LRRTM2: variants seen among roughly 807,000 people sequenced by gnomAD.
LRRTM2 encodes the protein leucine rich repeat transmembrane neuronal 2.
A neutral mutation model predicts 40.7 loss-of-function variants in LRRTM2; 14 were observed. The ratio of observed to expected loss-of-function variants is 0.34; its 90% CI spans 0.23 to 0.54. LRRTM2 has a LOEUF of 0.54. Ranked by LOEUF, LRRTM2 falls within the 20% of genes least tolerant of loss-of-function variation. The probability of loss-of-function intolerance (pLI) is 0.92; values close to 1 mark genes in which losing one functional copy is unlikely to be tolerated. For missense variants in LRRTM2, 468 were observed against 624.4 expected (o/e 0.75, Z 2.67); for synonymous variants, 223 against 237.6 (o/e 0.94, Z 0.57).
Position 138,870,040 on chromosome 5 carries a change from T to C in LRRTM2, c.*2970A>G, listed in dbSNP as rs1765194031. The stretch of plus-strand genomic sequence containing the variant: ...ATCATAGTCTTCTTTAGCTTTCCTT[T>C]TTCCAGAGAGATTAATTATTTTTCT... On this transcript the variant is annotated 3_prime_UTR_variant, in exon 2 of 2. Transcript: ENST00000274711. 6.6e-6 allele frequency: 1 copy of C among 152,444 alleles called. No homozygotes were observed. The highest frequency in any genetic ancestry group is 6.5e-5 in the Admixed American group (1 of 15,280). 9.4% of individuals were successfully genotyped at this position (152,444 alleles called of 1,614,324 possible).
rs776591092 is a variant in LRRTM2 at position 138,874,677 on chromosome 5, A to G, written c.5-121T>C. 4.3e-5 allele frequency: 33 copies of G among 762,848 alleles called. No homozygotes were observed. The highest frequency in any genetic ancestry group is 6.4e-5 in the Non-Finnish European group (31 of 485,868). 47.3% of individuals were successfully genotyped at this position (762,848 alleles called of 1,614,324 possible). ...CAAAAGATTTCACTGCATATAACTT[A>G]TTTTTCATTTACTGCAGAAAAATTA... On this transcript the variant is annotated intron_variant, in intron 1 of 1. Coordinates refer to ENST00000274711, the MANE Select transcript of LRRTM2 (RefSeq NM_015564.3). This position sits in a 1 kb window ranked among gnomAD's most constrained non-coding sequence, Gnocchi z 4.1.
At position 138,873,129 on chromosome 5, in the gene LRRTM2, T is replaced by A. The variant is rs773654146; in HGVS notation, c.1432A>T (p.Met478Leu). ...RSQTRLHMSN[M>L]SDQGPYNEYE... The stretch of plus-strand genomic sequence containing the variant: ...TCATTATACGGTCCTTGGTCTGACA[T>A]GTTTGACATATGGAGTCGTGTTTGG... Residue 478 changes from methionine (M) to leucine (L), a missense_variant, in exon 2 of 2, where the codon ATG becomes TTG. Physicochemically the swap from Met to Leu is conservative, Grantham distance 15. Coordinates refer to ENST00000274711, the MANE Select transcript of LRRTM2 (RefSeq NM_015564.3). This position sits in a 1 kb window ranked among gnomAD's most constrained non-coding sequence, Gnocchi z 6.1. The A allele has an allele frequency of 2.1e-5, 34 of 1,614,004 alleles. No homozygotes were observed. The highest frequency in any genetic ancestry group is 1.6e-4 in the Middle Eastern group (1 of 6,062).
In LRRTM2 at chr5:138,870,422, A is replaced by G. The variant is rs962771403; in HGVS notation, c.*2588T>C. 6.6e-6 allele frequency: 1 copy of G among 152,236 alleles called. No individual in the cohort carries two copies. Among genetic ancestry groups the G allele is most frequent in the Non-Finnish European group, 1.5e-5 (1 of 68,032 alleles). The allele number at this position is 152,236 out of a possible 1,614,324, so 9.4% of individuals were successfully genotyped here. On this transcript the variant is annotated 3_prime_UTR_variant, in exon 2 of 2. Coordinates refer to ENST00000274711, the MANE Select transcript of LRRTM2 (RefSeq NM_015564.3). ...TTCTTAAAGGACATTACCCAGAAAAATGGAAGGCAAAAAATTTTGATTTTT... is the reference window on the plus strand; with the variant it reads ...TTCTTAAAGGACATTACCCAGAAAAGTGGAAGGCAAAAAATTTTGATTTTT...
Position 138,873,183 on chromosome 5 carries a change from T to C in LRRTM2, c.1378A>G (p.Met460Val), listed in dbSNP as rs751513591. 1.2e-6 allele frequency: 2 copies of C among 1,602,174 alleles called. No individual in the cohort carries two copies. Among genetic ancestry groups the C allele is most frequent in the Admixed American group, 1.7e-5 (1 of 59,620 alleles). ...CGGAGCTGCCTGTGGTTCTGAACCA[T>C]TGAGCACTGCCTAATTCTTCTTAAA... The part of the protein sequence containing the change: ...PTLRRIRQCS[M>V]VQNHRQLRSQ... Residue 460 changes from methionine to valine, a missense_variant, in exon 2 of 2, where the codon ATG (methionine) becomes GTG (valine). By Grantham distance (21) the Met-to-Val change is conservative. Transcript: ENST00000274711. This position sits in a 1 kb window ranked among gnomAD's most constrained non-coding sequence, Gnocchi z 6.1.
At position 138,869,470 on chromosome 5, in the gene LRRTM2, C is replaced by T. The variant is rs1209749488; in HGVS notation, c.*3540G>A. ...TTTCAGATAGGTCTGTCGCTGTATT[C>T]CTGTATTAGGAAAACGATCATGTAA... On this transcript the variant is annotated 3_prime_UTR_variant, in exon 2 of 2. Transcript: ENST00000274711. 6.6e-6 allele frequency: 1 copy of T among 150,830 alleles called. No homozygotes were observed. Among genetic ancestry groups the T allele is most frequent in the Non-Finnish European group, 1.5e-5 (1 of 67,878 alleles). The allele number at this position is 150,830 out of a possible 1,614,324, so 9.3% of individuals were successfully genotyped here.
chr5:138,873,736 C>T lies in LRRTM2; in HGVS notation c.825G>A (p.Thr275=), dbSNP rs777934931. 2.2e-5 allele frequency: 35 copies of T among 1,613,886 alleles called. No individual in the cohort carries two copies. The South Asian group carries it at 2.2e-4, about 10-fold the overall frequency. The change falls in exon 2 of 2, where the codon ACG becomes ACA. Residue 275 remains threonine (T), a synonymous_variant. Coordinates refer to ENST00000274711, the MANE Select transcript of LRRTM2 (RefSeq NM_015564.3). The surrounding 1 kb of genome is among the most constrained non-coding windows in gnomAD (Gnocchi z 6.1). The part of the protein sequence containing the change: ...IKAIDLTVFE[T]MPNLKILLMD... Reference sequence around the variant, plus strand: ...TGAGGAGTATTTTAAGATTGGGCATCGTTTCAAACACTGTCAAGTCGATGG... The same window carrying T: ...TGAGGAGTATTTTAAGATTGGGCATTGTTTCAAACACTGTCAAGTCGATGG...
In LRRTM2 at chr5:138,874,884, A is replaced by G. The variant is rs373922860; in HGVS notation, c.4+24T>C. ...AGCGTGATTCCTTGTTGAATGTACA[A>G]GACATATAAATGCACAGACTTACCC... On this transcript the variant is annotated intron_variant, in intron 1 of 1. Transcript: ENST00000274711. The surrounding 1 kb of genome is among the most constrained non-coding windows in gnomAD (Gnocchi z 4.1). 3.1e-6 allele frequency: 5 copies of G among 1,606,816 alleles called. No individual in the cohort carries two copies. In the East Asian group the frequency reaches 1.1e-4, roughly 36 times the overall value.
At position 138,871,321 on chromosome 5, in the gene LRRTM2, A is replaced by T. The variant is rs1750580345; in HGVS notation, c.*1689T>A. 6.6e-6 allele frequency: 1 copy of T among 152,236 alleles called. No homozygotes were observed. Among genetic ancestry groups the T allele is most frequent in the Non-Finnish European group, 1.5e-5 (1 of 68,032 alleles). The allele number at this position is 152,236 out of a possible 1,614,324, so 9.4% of individuals were successfully genotyped here. A position where few individuals can be genotyped will look rare whatever the true frequency, so the allele number is the denominator to read the frequency against. On this transcript the variant is annotated 3_prime_UTR_variant, in exon 2 of 2. Coordinates refer to ENST00000274711, the MANE Select transcript of LRRTM2 (RefSeq NM_015564.3). ...AAAAAATGCTCATTTTCTAAAATCAAGTTAGTGCTATAATTTTACAGTTTT... is the reference window on the plus strand; with the variant it reads ...AAAAAATGCTCATTTTCTAAAATCATGTTAGTGCTATAATTTTACAGTTTT...
chr5:138,873,182 A>G lies in LRRTM2; in HGVS notation c.1379T>C (p.Met460Thr), dbSNP rs1188178991. 1 of 1,613,908 alleles carries G rather than the reference A, an allele frequency of 6.2e-7. No homozygotes were observed. The highest frequency in any genetic ancestry group is 8.5e-7 in the Non-Finnish European group (1 of 1,179,900). The part of the protein sequence containing the change: ...PTLRRIRQCS[M>T]VQNHRQLRSQ... ...TCGGAGCTGCCTGTGGTTCTGAACC[A>G]TTGAGCACTGCCTAATTCTTCTTAA... The change falls in exon 2 of 2, where the codon ATG becomes ACG. Residue 460 changes from methionine (M) to threonine (T), a missense_variant. Met to Thr is a moderately conservative substitution (Grantham distance 81, BLOSUM62 -1). Coordinates refer to ENST00000274711, the MANE Select transcript of LRRTM2 (RefSeq NM_015564.3). This position sits in a 1 kb window ranked among gnomAD's most constrained non-coding sequence, Gnocchi z 6.1.
rs569275685 is a variant in LRRTM2, at chr5:138,874,980, G to GCT, written c.-71_-70dup. 735 of 1,551,698 alleles carry GCT rather than the reference G, an allele frequency of 4.7e-4. 2 individuals are homozygous for GCT. The highest frequency in any genetic ancestry group is 3.4e-3 in the Middle Eastern group (20 of 5,936). On this transcript the variant is annotated 5_prime_UTR_variant, in exon 1 of 2. An upstream open reading frame in the 5' UTR loses its in-frame stop. Coordinates refer to ENST00000274711, the MANE Select transcript of LRRTM2 (RefSeq NM_015564.3). The surrounding 1 kb of genome is among the most constrained non-coding windows in gnomAD (Gnocchi z 4.1). ...ACTCAACGCAGTGAGTCTGTAAAAG[G>GCT]CTCTAACATGTAGGAGCCTTTGACC...
Position 138,874,851 on chromosome 5 carries a change from AT to A in LRRTM2, c.4+56del, listed in dbSNP as rs1751138809. 6.6e-7 allele frequency: 1 copy of A among 1,523,500 alleles called. No individual in the cohort carries two copies. 94.4% of individuals were successfully genotyped at this position (1,523,500 alleles called of 1,614,324 possible). Reference sequence around the variant, plus strand: ...TCATAAAATGTGAATTCGGTAGCTTATTTTAAAAGCGTGATTCCTTGTTGAA... The same window carrying A: ...TCATAAAATGTGAATTCGGTAGCTTATTTAAAAGCGTGATTCCTTGTTGAA... On this transcript the variant is annotated intron_variant, in intron 1 of 1. Coordinates refer to ENST00000274711, the MANE Select transcript of LRRTM2 (RefSeq NM_015564.3). This position sits in a 1 kb window ranked among gnomAD's most constrained non-coding sequence, Gnocchi z 4.1.
Position 138,873,589 on chromosome 5 carries a change from G to C in LRRTM2, c.972C>G (p.Ser324=). 6.2e-7 allele frequency: 1 copy of C among 1,614,006 alleles called. No homozygotes were observed. The highest frequency in any genetic ancestry group is 8.5e-7 in the Non-Finnish European group (1 of 1,179,902). ...ACCGACCTTGGAAACTGCCCAGCCAGGAGGCCAGAGCACATATTCGGGCGC... is the reference window on the plus strand; with the variant it reads ...ACCGACCTTGGAAACTGCCCAGCCACGAGGCCAGAGCACATATTCGGGCGC... ...ECSARICALA[S]WLGSFQGRWE... Residue 324 remains serine (S), a synonymous_variant, in exon 2 of 2, where the codon TCC becomes TCG. Coordinates refer to ENST00000274711, the MANE Select transcript of LRRTM2 (RefSeq NM_015564.3). The surrounding 1 kb of genome is among the most constrained non-coding windows in gnomAD (Gnocchi z 6.1).
At position 138,872,068 on chromosome 5, in the gene LRRTM2, G is replaced by A. The variant is rs1459922608; in HGVS notation, c.*942C>T. On this transcript the variant is annotated 3_prime_UTR_variant, in exon 2 of 2. Transcript: ENST00000274711. ...TGTGTGTGTGTGTGTGTGTGTGTGT[G>A]CGCTTTTAAATTGGAGGGAGCATGT... 1.4e-5 allele frequency: 1 copy of A among 70,508 alleles called. No individual in the cohort carries two copies. The highest frequency in any genetic ancestry group is 3.1e-5 in the Non-Finnish European group (1 of 32,646). 4.4% of individuals were successfully genotyped at this position (70,508 alleles called of 1,614,324 possible). A position where few individuals can be genotyped will look rare whatever the true frequency, so the allele number is the denominator to read the frequency against.
In LRRTM2 at chr5:138,875,036, C is replaced by T; in HGVS notation, c.-125G>A. The T allele has an allele frequency of 1.1e-6, 1 of 936,896 alleles. No individual in the cohort carries two copies. 58.0% of individuals were successfully genotyped at this position (936,896 alleles called of 1,614,324 possible). ...CCTGTTTTCTGTGTCCCAGGCTTTCCAAGTAAAATTGAATCCACCAGGACG... is the reference window on the plus strand; with the variant it reads ...CCTGTTTTCTGTGTCCCAGGCTTTCTAAGTAAAATTGAATCCACCAGGACG... On this transcript the variant is annotated 5_prime_UTR_variant, in exon 1 of 2. Coordinates refer to ENST00000274711, the MANE Select transcript of LRRTM2 (RefSeq NM_015564.3).
rs1765177731 is a variant in LRRTM2 at position 138,869,889 on chromosome 5, A to G, written c.*3121T>C. 6.6e-6 allele frequency: 1 copy of G among 152,590 alleles called. No individual in the cohort carries two copies. The highest frequency in any genetic ancestry group is 2.4e-5 in the African/African-American group (1 of 41,434). 9.5% of individuals were successfully genotyped at this position (152,590 alleles called of 1,614,324 possible). ...TGATGCTGGCAGTGGGTATTCTCAGAGTTGTGTGTGGATTTACAAGTTTAT... is the reference window on the plus strand; with the variant it reads ...TGATGCTGGCAGTGGGTATTCTCAGGGTTGTGTGTGGATTTACAAGTTTAT... On this transcript the variant is annotated 3_prime_UTR_variant, in exon 2 of 2. Transcript: ENST00000274711.
At position 138,874,794 on chromosome 5, in the gene LRRTM2, C is replaced by T; in HGVS notation, c.4+114G>A. The T allele has an allele frequency of 1.8e-6, 2 of 1,090,948 alleles. No homozygotes were observed. The highest frequency in any genetic ancestry group is 2.7e-6 in the Non-Finnish European group (2 of 734,148). The allele number at this position is 1,090,948 out of a possible 1,614,324, so 67.6% of individuals were successfully genotyped here. A position where few individuals can be genotyped will look rare whatever the true frequency, so the allele number is the denominator to read the frequency against. On this transcript the variant is annotated intron_variant, in intron 1 of 1. Coordinates refer to ENST00000274711, the MANE Select transcript of LRRTM2 (RefSeq NM_015564.3). The surrounding 1 kb of genome is among the most constrained non-coding windows in gnomAD (Gnocchi z 4.1). The stretch of plus-strand genomic sequence containing the variant: ...TCATCGATATATGCTTTTACCTAAA[C>T]CTCAAAATCCAAAATATGATGGTGA...
rs2149917814 is a variant in LRRTM2 at position 138,870,835 on chromosome 5, TG to T, written c.*2174del. ...TGTAATAGGGGCTTCTAATTCAGCCTGTCTGTGGGGAAGTAGGGCGCTGTGC... is the reference window on the plus strand; with the variant it reads ...TGTAATAGGGGCTTCTAATTCAGCCTTCTGTGGGGAAGTAGGGCGCTGTGC... On this transcript the variant is annotated 3_prime_UTR_variant, in exon 2 of 2. Transcript: ENST00000274711. 6.6e-6 allele frequency: 1 copy of T among 152,306 alleles called. No homozygotes were observed. The highest frequency in any genetic ancestry group is 1.5e-5 in the Non-Finnish European group (1 of 68,036). 9.4% of individuals were successfully genotyped at this position (152,306 alleles called of 1,614,324 possible). A position where few individuals can be genotyped will look rare whatever the true frequency, so the allele number is the denominator to read the frequency against.
In LRRTM2 at chr5:138,872,943, A is replaced by G. The variant is rs1750817930; in HGVS notation, c.*67T>C. 12 of 1,110,566 alleles carry G rather than the reference A, an allele frequency of 1.1e-5. No homozygotes were observed. The highest frequency in any genetic ancestry group is 3.1e-5 in the African/African-American group (2 of 63,742). 68.8% of individuals were successfully genotyped at this position (1,110,566 alleles called of 1,614,324 possible). On this transcript the variant is annotated 3_prime_UTR_variant, in exon 2 of 2. Coordinates refer to ENST00000274711, the MANE Select transcript of LRRTM2 (RefSeq NM_015564.3). ...ATGTCACCATTGGTAAAAATTAGATATGTATTTAGCCTCTACTATGTAAAA... is the reference window on the plus strand; with the variant it reads ...ATGTCACCATTGGTAAAAATTAGATGTGTATTTAGCCTCTACTATGTAAAA...
chr5:138,870,755 G>A lies in LRRTM2; in HGVS notation c.*2255C>T, dbSNP rs1309906805. 3 of 152,168 alleles carry A rather than the reference G, an allele frequency of 2.0e-5. No homozygotes were observed. The highest frequency in any genetic ancestry group is 4.8e-5 in the African/African-American group (2 of 41,432). The allele number at this position is 152,168 out of a possible 1,614,324, so 9.4% of individuals were successfully genotyped here. On this transcript the variant is annotated 3_prime_UTR_variant, in exon 2 of 2. Coordinates refer to ENST00000274711, the MANE Select transcript of LRRTM2 (RefSeq NM_015564.3). ...CAAGCTGTCTGTCACCTGACAAATGGCAATGGTCATCCTGATAAATGGGTT... is the reference window on the plus strand; with the variant it reads ...CAAGCTGTCTGTCACCTGACAAATGACAATGGTCATCCTGATAAATGGGTT...
Sources: gnomAD v4.1 joint callset for allele counts on GRCh38, gnomAD v4.1.1 for gene constraint, Gnocchi (gnomAD v3.1) non-coding constraint, MANE v1.5 for transcripts, NCBI Gene and HGNC (gene_info 2026-07-23, HGNC 2026-07-21) for gene names.